The following RAB31 variants were observed in gnomAD, a reference collection of about 807,000 sequenced individuals.
The protein encoded by RAB31 is RAB31, member RAS oncogene family.
In RAB31, 21 loss-of-function variants were observed where a neutral mutation model predicts 25.6. That is an observed-to-expected ratio of 0.82 (90% CI 0.58 to 1.18). The LOEUF (loss-of-function observed/expected upper bound fraction) is 1.18. Ranked by LOEUF, RAB31 falls within the 50% of genes most tolerant of loss-of-function variation. The probability of loss-of-function intolerance (pLI) is 0.00; values close to 1 mark genes in which losing one functional copy is unlikely to be tolerated. For missense variants in RAB31, 196 were observed against 250.1 expected, an observed-to-expected ratio of 0.78 and a Z score of 1.46; for synonymous variants, 87 against 84.0, an observed-to-expected ratio of 1.04 and a Z score of -0.20.
chr18:9,736,891 G>A (rs2068153754), intron 1 of RAB31, among the ~76,000 whole-genome samples: 1 of 152,130 alleles, frequency 6.6e-6, no homozygotes, highest in Non-Finnish European at 1.5e-5. Flanking sequence ...AAAGCTTTTG[G>A]TGTGAGTGTT....
chr18:9,804,566 C>T lies in RAB31; in HGVS notation c.202-9454C>T, dbSNP rs2068530392. Among the ~76,000 whole-genome samples the T allele has an allele frequency of 2.0e-5, 3 of 152,328 alleles. No homozygotes were observed. In the South Asian group the frequency reaches 6.2e-4, roughly 32 times the overall value. On this transcript the variant is annotated intron_variant, in intron 3 of 6. Coordinates refer to ENST00000578921, the MANE Select transcript of RAB31 (RefSeq NM_006868.4). ...CCCTTCCACTCCCTTTCCCTTCTGTCCTCTTCTTTTCTTTTATGGAGCTAA... is the reference window on the plus strand; with the variant it reads ...CCCTTCCACTCCCTTTCCCTTCTGTTCTCTTCTTTTCTTTTATGGAGCTAA...
chr18:9,850,067 G>A (rs1006077106), intron 6 of RAB31, among the ~76,000 whole-genome samples: 1 of 152,196 alleles, frequency 6.6e-6, no homozygotes, highest in South Asian at 2.1e-4. Context: ...GGACGAGGGT[G>A]GAGGAAGTGG....
intron 6 of RAB31, among the ~76,000 whole-genome samples, chr18:9,847,264 C>T (rs184608848): frequency 6.6e-6 from 1 of 152,328 alleles, no homozygotes; most frequent in East Asian, 1.9e-4. Flanking sequence ...TTTGTTTTTA[C>T]AGGTGGTTTT....
chr18:9,711,170 T>TTC (rs111627591), intron 1 of RAB31, among the ~76,000 whole-genome samples: 21,890 of 150,388 alleles, frequency 0.15, 1,660 homozygotes, highest in South Asian at 0.24. Context: ...GTTTACTCTC[T>TTC]TCTCTCTCTC....
At chr18:9,719,283 AAAAAAAAAAAAAAAAATAT>A (rs1397039668) in intron 1 of RAB31, among the ~76,000 whole-genome samples, 16 of 61,856 alleles carry the variant, frequency 2.6e-4, no homozygotes, top group Non-Finnish European at 2.0e-4. Flanking sequence ...AAAAAAAAAA[AAAAAAAAAAAAAAAAATAT>A]ATATATATAT....
chr18:9,710,100 C>T (rs1275928232), intron 1 of RAB31, among the ~76,000 whole-genome samples: 2 of 152,130 alleles, frequency 1.3e-5, no homozygotes, highest in African/African-American at 4.8e-5. Context: ...TTTTCAGTTT[C>T]GGTGTTTAGG....
At chr18:9,796,070 A>G (rs919821188) in intron 3 of RAB31, among the ~76,000 whole-genome samples, 7 of 152,228 alleles carry the variant, frequency 4.6e-5, no homozygotes, top group African/African-American at 1.4e-4. Context: ...ATAAAAAGGA[A>G]CTAAATAATG....
intron 2 of RAB31, among the ~76,000 whole-genome samples, chr18:9,786,562 T>C (rs2068434262): frequency 6.6e-6 from 1 of 152,216 alleles, no homozygotes; most frequent in Non-Finnish European, 1.5e-5. Context: ...GATCTGACAG[T>C]ATCTCCAGGG....
intron 5 of RAB31, among the ~76,000 whole-genome samples, chr18:9,820,689 A>G (rs764895734): frequency 4.6e-5 from 7 of 151,928 alleles, no homozygotes; most frequent in South Asian, 2.1e-4. Flanking sequence ...TTTTTTTCTT[A>G]ATCCCATGAC....
At chr18:9,792,860 A>G (rs2068468273) in intron 3 of RAB31, among the ~76,000 whole-genome samples, 1 of 152,188 alleles carries the variant, frequency 6.6e-6, no homozygotes, top group Non-Finnish European at 1.5e-5. Flanking sequence ...TAGCGCCCCA[A>G]GGAAAATCTG....
At chr18:9,857,686 TGATA>T (rs3039678) in intron 6 of RAB31, among the ~76,000 whole-genome samples, 9,222 of 113,408 alleles carry the variant, frequency 0.081, 446 homozygotes, top group East Asian at 0.094. Context: ...GATAGATAGA[TGATA>T]GATAGATAGA....
rs941874291 is a variant in RAB31, at chr18:9,857,345, T to C, written c.491-1883T>C. On this transcript the variant is annotated intron_variant, in intron 6 of 6. Coordinates refer to ENST00000578921, the MANE Select transcript of RAB31 (RefSeq NM_006868.4). ...GGAAATGCACCTCTGCTGGGGTGTT[T>C]TGGTGCTCTATATTGTCATTAGGTA... 7.9e-5 allele frequency among the ~76,000 whole-genome samples: 12 copies of C among 152,284 alleles called. 1 individual carries two copies. The highest frequency in any genetic ancestry group is 2.6e-4 in the African/African-American group (11 of 41,562).
chr18:9,820,754 A>G (rs1234095268), intron 5 of RAB31, among the ~76,000 whole-genome samples: 1 of 151,970 alleles, frequency 6.6e-6, no homozygotes, highest in Non-Finnish European at 1.5e-5. Flanking sequence ...CTCATTTTCC[A>G]TTCCTAATTT....
intron 3 of RAB31, among the ~76,000 whole-genome samples, 165 bp from the exon 4 acceptor site, chr18:9,813,855 A>AAAAAT (rs2068587418): frequency 6.6e-6 from 1 of 152,176 alleles, no homozygotes; most frequent in African/African-American, 2.4e-5. Context: ...TCCATCTCAA[A>AAAAAT]AAAATAAAAT....
Position 9,708,680 on chromosome 18 carries a change from T to A in RAB31, c.39+236T>A, listed in dbSNP as rs1394355445. Among the ~76,000 whole-genome samples, 1 of 150,848 alleles carries A rather than the reference T, an allele frequency of 6.6e-6. No homozygotes were observed. The highest frequency in any genetic ancestry group is 1.5e-5 in the Non-Finnish European group (1 of 67,736). On this transcript the variant is annotated intron_variant, in intron 1 of 6. Coordinates refer to ENST00000578921, the MANE Select transcript of RAB31 (RefSeq NM_006868.4). This position sits in a 1 kb window ranked among gnomAD's most constrained non-coding sequence, Gnocchi z 6.4. Reference sequence around the variant, plus strand: ...CTCCGCACCCCGCCTGTTCTCCGCCTCCCCGCCGTCCGTGCGCCCCTCTGG... The same window carrying A: ...CTCCGCACCCCGCCTGTTCTCCGCCACCCCGCCGTCCGTGCGCCCCTCTGG...
At chr18:9,823,281 G>A (rs1274907604) in intron 5 of RAB31, among the ~76,000 whole-genome samples, 1 of 152,106 alleles carries the variant, frequency 6.6e-6, no homozygotes, top group African/African-American at 2.4e-5. Context: ...AAGTGGGCAT[G>A]GGTTTGAAAG....
chr18:9,800,274 A>G (rs570025225), intron 3 of RAB31, among the ~76,000 whole-genome samples: 3 of 152,252 alleles, frequency 2.0e-5, no homozygotes, highest in Admixed American at 1.3e-4. Flanking sequence ...TCTATATACC[A>G]TGGAGGACCA....
chr18:9,810,872 G>A lies in RAB31; in HGVS notation c.202-3148G>A, dbSNP rs145883213. Among the ~76,000 whole-genome samples the A allele has an allele frequency of 1.4e-4, 21 of 152,154 alleles. No homozygotes were observed. In the East Asian group the frequency reaches 3.7e-3, roughly 27 times the overall value. On this transcript the variant is annotated intron_variant, in intron 3 of 6. Coordinates refer to ENST00000578921, the MANE Select transcript of RAB31 (RefSeq NM_006868.4). ...TATGGAGGCTATTTTGAAAAAAATG[G>A]GCATTTTGTATAATTGGGGTAAAAG...
rs35523044 is a variant in RAB31 at position 9,791,388 on chromosome 18, C to CT, written c.120-739dup. ...AGCTAACTGGTTTTAGAAACACAGT[C>CT]TTTTTTTTTTTTTTTTTTTTTTTTT... On this transcript the variant is annotated intron_variant, in intron 2 of 6. Coordinates refer to ENST00000578921, the MANE Select transcript of RAB31 (RefSeq NM_006868.4). Among the ~76,000 whole-genome samples the CT allele has an allele frequency of 6.6e-3, 394 of 59,632 alleles. 66 individuals are homozygous for CT. The highest frequency in any genetic ancestry group is 0.015 in the South Asian group (20 of 1,304). 39.1% of individuals were successfully genotyped at this position (59,632 alleles called of 152,430 possible).
Sources: allele counts gnomAD v4.1 joint callset (sites outside exome capture counted in the v4.1 genomes callset), GRCh38; gene constraint gnomAD v4.1.1; non-coding constraint Gnocchi (gnomAD v3.1); transcripts MANE v1.5; gene names NCBI Gene and HGNC (gene_info 2026-07-23, HGNC 2026-07-21).